ACKR3: variants seen among roughly 807,000 people sequenced by gnomAD.
ACKR3 encodes C-X-C chemokine receptor type 7.
ACKR3 carries 6 observed loss-of-function variants against 22.4 expected under a neutral mutation model. That is an observed-to-expected ratio of 0.27 (90% CI 0.15 to 0.53). The LOEUF (loss-of-function observed/expected upper bound fraction) is 0.53. Ranked by LOEUF, ACKR3 falls within the 20% of genes least tolerant of loss-of-function variation. ACKR3 has a pLI of 0.96. For synonymous variants in ACKR3, 209 were observed against 205.2 expected (o/e 1.02, Z -0.16); for missense variants, 396 against 475.2 (o/e 0.83, Z 1.55).
At chr2:236,573,726 G>T (rs1691354361) in intron 1 of ACKR3, among the ~76,000 whole-genome samples, 1 of 152,192 alleles carries the variant, frequency 6.6e-6, no homozygotes. Context: ...CCAGCTACCA[G>T]ACCACCCCAC....
chr2:236,576,059 C>T (rs1458835352), intron 1 of ACKR3, among the ~76,000 whole-genome samples: 2 of 152,142 alleles, frequency 1.3e-5, no homozygotes, highest in African/African-American at 4.8e-5. Context: ...GGTCTCATTC[C>T]CCTGCCTGCC....
In ACKR3 at chr2:236,579,819, G is replaced by A. The variant is rs556609056; in HGVS notation, c.-26-621G>A. On this transcript the variant is annotated intron_variant, in intron 1 of 1. Transcript: ENST00000272928. ...GTGGGGCACCCTGCGTAGGCTCACT[G>A]TGTTTCCAGAGGCTTTATGACTGCA... Among the ~76,000 whole-genome samples the A allele has an allele frequency of 3.3e-5, 5 of 152,340 alleles. No homozygotes were observed. In the South Asian group the frequency reaches 1.0e-3, roughly 32 times the overall value.
chr2:236,552,749 C>T, the ACKR3 span, among the ~76,000 whole-genome samples: 1 of 151,968 alleles, frequency 6.6e-6, no homozygotes, highest in South Asian at 2.1e-4. Context: ...CATGTAGCCA[C>T]TGAAGGGACA....
chr2:236,541,060 A>T, the ACKR3 span, among the ~76,000 whole-genome samples: 1 of 150,144 alleles, frequency 6.7e-6, no homozygotes, highest in Non-Finnish European at 1.5e-5. Context: ...TCTGTTTCTG[A>T]CCCTGTCTCT....
At chr2:236,563,308 C>T (rs1210650359), upstream of ACKR3, among the ~76,000 whole-genome samples, 2 of 152,144 alleles carry the variant, frequency 1.3e-5, no homozygotes. Flanking sequence ...CGGCACGCGC[C>T]AAGCACAGTG....
chr2:236,550,961 T>G, the ACKR3 span, among the ~76,000 whole-genome samples: 1 of 152,206 alleles, frequency 6.6e-6, no homozygotes, highest in East Asian at 1.9e-4. The surrounding 1 kb of genome is among the most constrained non-coding windows in gnomAD (Gnocchi z 4.6). Flanking sequence ...TCCTTTTGGT[T>G]TCGTATTACC....
At chr2:236,561,551 G>T in the ACKR3 span, among the ~76,000 whole-genome samples, 1 of 151,438 alleles carries the variant, frequency 6.6e-6, no homozygotes, top group Admixed American at 6.6e-5. Context: ...TCTGTTGCCC[G>T]GGCTGGAGTG....
the ACKR3 span, among the ~76,000 whole-genome samples, chr2:236,538,376 G>A: frequency 2.0e-5 from 3 of 152,338 alleles, no homozygotes; most frequent in East Asian, 3.9e-4. Flanking sequence ...TAAAAACGTG[G>A]TCAAAAGGAT....
At chr2:236,537,878 C>T in the ACKR3 span, among the ~76,000 whole-genome samples, 3 of 152,208 alleles carry the variant, frequency 2.0e-5, no homozygotes, top group African/African-American at 7.2e-5. Flanking sequence ...AATGCGTATT[C>T]ATGCTCTTTC....
the ACKR3 span, among the ~76,000 whole-genome samples, chr2:236,558,497 C>A: frequency 6.6e-6 from 1 of 152,138 alleles, no homozygotes; most frequent in African/African-American, 2.4e-5. Context: ...CTGCTGACCT[C>A]CTACCTCTGC....
the ACKR3 span, among the ~76,000 whole-genome samples, chr2:236,552,321 T>C: frequency 6.6e-6 from 1 of 152,150 alleles, no homozygotes; most frequent in Admixed American, 6.5e-5. Context: ...GAAGGGCTGA[T>C]CATGCATCTG....
chr2:236,561,816 G>A, the ACKR3 span, among the ~76,000 whole-genome samples: 5 of 152,358 alleles, frequency 3.3e-5, no homozygotes, highest in South Asian at 4.1e-4. Context: ...TGTATACTGA[G>A]TTTGTATTGT....
the ACKR3 span, among the ~76,000 whole-genome samples, chr2:236,547,121 T>A: frequency 6.6e-6 from 1 of 152,222 alleles, no homozygotes; most frequent in Non-Finnish European, 1.5e-5. Context: ...ATTGTCATGA[T>A]GACAGGTGGT....
chr2:236,538,393 G>A, the ACKR3 span, among the ~76,000 whole-genome samples: 18 of 152,328 alleles, frequency 1.2e-4, no homozygotes, highest in African/African-American at 2.9e-4. Flanking sequence ...GGATCCATCC[G>A]AGTCAGAGAT....
At chr2:236,542,321 G>A in the ACKR3 span, among the ~76,000 whole-genome samples, 2 of 152,196 alleles carry the variant, frequency 1.3e-5, no homozygotes, top group Non-Finnish European at 2.9e-5. Context: ...CCCTCAAGGA[G>A]CAGATTGTTA....
chr2:236,578,232 C>T (rs1340983396), intron 1 of ACKR3, among the ~76,000 whole-genome samples: 3 of 152,234 alleles, frequency 2.0e-5, no homozygotes, highest in African/African-American at 7.2e-5. Flanking sequence ...TCTGGCAGGA[C>T]AGGGTGTCCT....
At chr2:236,568,947 T>C (rs1409646407), upstream of ACKR3, among the ~76,000 whole-genome samples, 1 of 152,160 alleles carries the variant, frequency 6.6e-6, no homozygotes, top group South Asian at 2.1e-4. Flanking sequence ...CGGGTGGCCT[T>C]TGGGTCCCTA....
Position 236,581,760 on chromosome 2 carries a change from G to GGCAGAGCTGTGTCGCACA in ACKR3, c.*211_*228dup. 1.6e-6 allele frequency: 1 copy of GGCAGAGCTGTGTCGCACA among 633,916 alleles called. No individual in the cohort carries two copies. Among genetic ancestry groups the GGCAGAGCTGTGTCGCACA allele is most frequent in the Non-Finnish European group, 2.7e-6 (1 of 376,128 alleles). The allele number at this position is 633,916 out of a possible 1,614,324, so 39.3% of individuals were successfully genotyped here. A position where few individuals can be genotyped will look rare whatever the true frequency, so the allele number is the denominator to read the frequency against. ...TGTGCGTGCTGACAGTTTTGCAACA[G>GGCAGAGCTGTGTCGCACA]GCAGAGCTGTGTCGCACAGCAGTGC... is the stretch of plus-strand genomic sequence containing the variant. On this transcript the variant is annotated 3_prime_UTR_variant, in exon 2 of 2. Transcript: ENST00000272928. The surrounding 1 kb of genome is among the most constrained non-coding windows in gnomAD (Gnocchi z 4.4).
the ACKR3 span, among the ~76,000 whole-genome samples, chr2:236,538,751 A>G: frequency 1.3e-5 from 2 of 152,200 alleles, no homozygotes; most frequent in Non-Finnish European, 2.9e-5. Flanking sequence ...TCAGATGAAC[A>G]AGGAATAGTT....
Sources: allele counts gnomAD v4.1 joint callset (sites outside exome capture counted in the v4.1 genomes callset), GRCh38; gene constraint gnomAD v4.1.1; non-coding constraint Gnocchi (gnomAD v3.1); transcripts MANE v1.5; gene names NCBI Gene and HGNC (gene_info 2026-07-23, HGNC 2026-07-21).